Variants in KCNIP4 observed in about 807,000 individuals in gnomAD.
The protein encoded by KCNIP4 is potassium voltage-gated channel interacting protein 4, also known as Kv channel-interacting protein 4.
Under a neutral mutation model 34.0 loss-of-function variants are expected in KCNIP4, and 12 were observed. The observed-to-expected ratio is 0.35, with a 90% confidence interval of 0.23 to 0.57. The LOEUF is 0.57. Ranked by LOEUF, KCNIP4 falls within the 20% of genes least tolerant of loss-of-function variation. The pLI is 0.83. For missense variants in KCNIP4, 238 were observed against 311.7 expected (o/e 0.76, Z 1.78); for synonymous variants, 124 against 102.2 (o/e 1.21, Z -1.29).
intron 1 of KCNIP4, among the ~76,000 whole-genome samples, chr4:21,707,310 A>T (rs1713357890): frequency 6.6e-6 from 1 of 152,210 alleles, no homozygotes; most frequent in South Asian, 2.1e-4. Context: ...ATAGATTCAC[A>T]GAAGTATCTA....
intron 1 of KCNIP4, among the ~76,000 whole-genome samples, chr4:21,077,299 G>A (rs563769817): frequency 3.3e-5 from 5 of 151,910 alleles, no homozygotes; most frequent in South Asian, 4.2e-4. Context: ...TATAATGTTC[G>A]CTTATCTCAT....
intron 2 of KCNIP4, among the ~76,000 whole-genome samples, chr4:20,855,303 T>G (rs571246603): frequency 6.6e-6 from 1 of 152,278 alleles, no homozygotes; most frequent in East Asian, 1.9e-4. Context: ...GATGAGGAAC[T>G]TAGCAGGAAT....
In KCNIP4 at chr4:20,833,484, C is replaced by CAATAATAATAATAATAATAATAAT. The variant is rs375084319; in HGVS notation, c.288+17058_288+17059insATTATTATTATTATTATTATTATT. ...TGGGCAACAGAGTGAGACCCCATCT[C>CAATAATAATAATAATAATAATAAT]AATAATAATAATAATAATAATACTT... On this transcript the variant is annotated intron_variant, in intron 3 of 8. Transcript: ENST00000382152. Among the ~76,000 whole-genome samples, 1,104 of 150,876 alleles carry CAATAATAATAATAATAATAATAAT rather than the reference C, an allele frequency of 7.3e-3. 7 individuals are homozygous for CAATAATAATAATAATAATAATAAT. The highest frequency in any genetic ancestry group is 0.017 in the African/African-American group (706 of 40,930).
chr4:20,915,216 T>A (rs1728695477), intron 1 of KCNIP4, among the ~76,000 whole-genome samples: 1 of 152,218 alleles, frequency 6.6e-6, no homozygotes. Flanking sequence ...TATACTCAAA[T>A]GAGTTCAGCT....
chr4:20,815,166 T>C (rs556912889), intron 3 of KCNIP4, among the ~76,000 whole-genome samples: 3 of 152,328 alleles, frequency 2.0e-5, no homozygotes, highest in African/African-American at 7.2e-5. Context: ...TCACTGATAA[T>C]TGATCCTCAA....
chr4:21,269,244 G>A (rs1393291865), intron 1 of KCNIP4, among the ~76,000 whole-genome samples: 1 of 152,162 alleles, frequency 6.6e-6, no homozygotes, highest in Non-Finnish European at 1.5e-5. Context: ...CAGAGAAGAT[G>A]TATTGAGACA....
chr4:21,886,209 A>G (rs1223152054), intron 1 of KCNIP4, among the ~76,000 whole-genome samples: 1 of 152,148 alleles, frequency 6.6e-6, no homozygotes, highest in African/African-American at 2.4e-5. Context: ...TCTGATCATC[A>G]TGACTGAAAA....
intron 1 of KCNIP4, among the ~76,000 whole-genome samples, chr4:21,720,189 TCTCTTACC>T (rs1714705497): frequency 1.3e-5 from 2 of 152,218 alleles, no homozygotes; most frequent in African/African-American, 4.8e-5. Flanking sequence ...TCTCCACTTC[TCTCTTACC>T]CTCAGGAAGT....
intron 1 of KCNIP4, among the ~76,000 whole-genome samples, chr4:21,192,955 A>ACTACTACTAC (rs1560797643): frequency 5.0e-5 from 7 of 139,236 alleles, no homozygotes; most frequent in South Asian, 2.3e-4. Context: ...ACTACTACTA[A>ACTACTACTAC]TAATAATAAT....
chr4:21,020,481 A>G (rs1037151215), intron 1 of KCNIP4, among the ~76,000 whole-genome samples: 2 of 152,170 alleles, frequency 1.3e-5, no homozygotes, highest in African/African-American at 4.8e-5. Flanking sequence ...TTCTGCCTGT[A>G]GATAGGTAAA....
chr4:20,852,935 A>T (rs1560515545), intron 2 of KCNIP4, among the ~76,000 whole-genome samples: 1 of 152,182 alleles, frequency 6.6e-6, no homozygotes, highest in Non-Finnish European at 1.5e-5. Flanking sequence ...AAAGACCTCT[A>T]CAAGGAAAAC....
chr4:21,062,530 ATG>A (rs3080754), intron 1 of KCNIP4, among the ~76,000 whole-genome samples: 2,040 of 148,802 alleles, frequency 0.014, 13 homozygotes, highest in Middle Eastern at 0.038. Flanking sequence ...GTGTGTGTGC[ATG>A]TGTGTGTGTG....
intron 1 of KCNIP4, among the ~76,000 whole-genome samples, chr4:21,490,163 G>C (rs1732270296): frequency 6.6e-6 from 1 of 152,148 alleles, no homozygotes; most frequent in South Asian, 2.1e-4. Flanking sequence ...TAATTTTGAA[G>C]TCTATTCATT....
Position 21,239,132 on chromosome 4 carries a change from C to T in KCNIP4, c.62-356423G>A, listed in dbSNP as rs1759600531. ...AAAAACAAGCAATGGGGAAAGGATT[C>T]CCTATTTAACAAATGGTGCTGGGAA... On this transcript the variant is annotated intron_variant, in intron 1 of 8. Coordinates refer to ENST00000382152, the MANE Select transcript of KCNIP4 (RefSeq NM_025221.6). Among the ~76,000 whole-genome samples the T allele has an allele frequency of 5.3e-5, 8 of 151,834 alleles. No homozygotes were observed. The South Asian group carries it at 1.7e-3, about 32-fold the overall frequency.
intron 1 of KCNIP4, among the ~76,000 whole-genome samples, chr4:21,746,885 A>G (rs996326118): frequency 5.9e-5 from 9 of 152,170 alleles, no homozygotes; most frequent in African/African-American, 1.7e-4. Flanking sequence ...CAGGAAATAT[A>G]CCCACAGTCA....
intron 1 of KCNIP4, among the ~76,000 whole-genome samples, chr4:21,212,742 A>T (rs1456026808): frequency 6.6e-6 from 1 of 152,166 alleles, no homozygotes; most frequent in Non-Finnish European, 1.5e-5. Context: ...TTATAAAGTC[A>T]CTAATCCCAT....
chr4:21,165,236 T>C (rs373973682), intron 1 of KCNIP4, among the ~76,000 whole-genome samples: 2 of 3,794 alleles, frequency 5.3e-4, no homozygotes, highest in East Asian at 7.2e-3. Flanking sequence ...GGAAGGGGAA[T>C]ATCACACTCT....
intron 1 of KCNIP4, among the ~76,000 whole-genome samples, chr4:21,589,760 C>A (rs980936215): frequency 2.0e-5 from 3 of 151,934 alleles, no homozygotes; most frequent in African/African-American, 7.2e-5. Context: ...CCCTTCTAAG[C>A]TGTAAATTAC....
At chr4:21,123,476 C>A (rs532538087) in intron 1 of KCNIP4, among the ~76,000 whole-genome samples, 1 of 152,216 alleles carries the variant, frequency 6.6e-6, no homozygotes, top group East Asian at 1.9e-4. Context: ...AGCCTCTTTA[C>A]GCTCTTAAAA....
Sources: allele counts gnomAD v4.1 joint callset (sites outside exome capture counted in the v4.1 genomes callset), GRCh38; gene constraint gnomAD v4.1.1; transcripts MANE v1.5; gene names NCBI Gene and HGNC (gene_info 2026-07-23, HGNC 2026-07-21).